The following CAMKMT variants were observed in gnomAD, a reference collection of about 807,000 sequenced individuals.
CAMKMT encodes the protein CaM KMT.
Under a neutral mutation model 48.0 loss-of-function variants are expected in CAMKMT, and 53 were observed. The ratio of observed to expected loss-of-function variants is 1.10; its 90% CI spans 0.89 to 1.39. The LOEUF (loss-of-function observed/expected upper bound fraction) is 1.39, where lower values mean the gene tolerates loss of function less well. CAMKMT is among the 40% of genes most tolerant of loss of function. The probability of loss-of-function intolerance (pLI) is 0.00; values close to 1 mark genes in which losing one functional copy is unlikely to be tolerated. For synonymous variants in CAMKMT, 165 were observed against 152.3 expected (o/e 1.08, Z -0.61); for missense variants, 428 against 402.7 (o/e 1.06, Z -0.54).
intron 3 of CAMKMT, among the ~76,000 whole-genome samples, chr2:44,495,219 C>A (rs577451416): frequency 6.6e-6 from 1 of 152,284 alleles, no homozygotes; most frequent in South Asian, 2.1e-4. Flanking sequence ...TAGGTCACTG[C>A]AGCCTTGAAC....
intron 3 of CAMKMT, among the ~76,000 whole-genome samples, chr2:44,651,647 T>C (rs115302476): frequency 0.012 from 1,902 of 152,330 alleles, 24 homozygotes; most frequent in Non-Finnish European, 0.02. Context: ...TTTAAAAGTA[T>C]GCATGTGGAA....
At chr2:44,367,348 G>A (rs541535395) in intron 1 of CAMKMT, among the ~76,000 whole-genome samples, 4 of 152,232 alleles carry the variant, frequency 2.6e-5, no homozygotes, top group African/African-American at 7.2e-5. Flanking sequence ...TGCCACGAAT[G>A]GAAAATTCCA....
chr2:44,378,695 T>A (rs1679944196), intron 2 of CAMKMT, among the ~76,000 whole-genome samples: 1 of 152,228 alleles, frequency 6.6e-6, no homozygotes, highest in African/African-American at 2.4e-5. Flanking sequence ...GGTTTCACCA[T>A]GTTGGCCAGG....
intron 2 of CAMKMT, among the ~76,000 whole-genome samples, chr2:44,387,723 G>T (rs1680910343): frequency 1.3e-5 from 2 of 152,016 alleles, no homozygotes; most frequent in Admixed American, 1.3e-4. Context: ...GTGGTGGCTT[G>T]GTAATGGTGA....
chr2:44,366,803 C>T (rs1011755657), intron 1 of CAMKMT, among the ~76,000 whole-genome samples: 5 of 151,636 alleles, frequency 3.3e-5, no homozygotes, highest in African/African-American at 9.7e-5. Flanking sequence ...CTCACTGCAA[C>T]CTCCATGTCC....
At chr2:44,409,977 T>C (rs1167057036) in intron 3 of CAMKMT, among the ~76,000 whole-genome samples, 1 of 152,090 alleles carries the variant, frequency 6.6e-6, no homozygotes, top group Non-Finnish European at 1.5e-5. Flanking sequence ...TTTGATGAAC[T>C]ATAATATGTT....
At chr2:44,489,570 C>T (rs778817587) in intron 3 of CAMKMT, among the ~76,000 whole-genome samples, 24 of 151,944 alleles carry the variant, frequency 1.6e-4, no homozygotes, top group Admixed American at 9.8e-4. Flanking sequence ...ATTCTGATGT[C>T]GTGGAAGAAC....
chr2:44,545,130 A>G (rs1667326722), intron 3 of CAMKMT, among the ~76,000 whole-genome samples: 1 of 152,224 alleles, frequency 6.6e-6, no homozygotes, highest in Non-Finnish European at 1.5e-5. Context: ...AGCAGCTGCT[A>G]GCTTTCCCTT....
intron 3 of CAMKMT, among the ~76,000 whole-genome samples, chr2:44,470,385 C>G (rs1421557157): frequency 6.6e-6 from 1 of 152,190 alleles, no homozygotes; most frequent in South Asian, 2.1e-4. Context: ...CCTTTGTACT[C>G]TCACCTGTGA....
chr2:44,672,077 C>G (rs1558785637), intron 3 of CAMKMT, among the ~76,000 whole-genome samples: 1 of 152,180 alleles, frequency 6.6e-6, no homozygotes, highest in South Asian at 2.1e-4. Context: ...ATACCATTCT[C>G]CCTGACCCTC....
chr2:44,368,187 C>A (rs189385370), intron 1 of CAMKMT, among the ~76,000 whole-genome samples: 6 of 152,150 alleles, frequency 3.9e-5, no homozygotes, highest in African/African-American at 1.4e-4. Context: ...TGAGAAAATG[C>A]CTTGACTATT....
intron 3 of CAMKMT, among the ~76,000 whole-genome samples, chr2:44,702,043 A>G (rs1313257969): frequency 6.6e-6 from 1 of 152,186 alleles, no homozygotes; most frequent in African/African-American, 2.4e-5. Flanking sequence ...GACAATTATA[A>G]AACTATTACA....
At chr2:44,749,535 C>T (rs572211800) in intron 8 of CAMKMT, among the ~76,000 whole-genome samples, 4 of 152,362 alleles carry the variant, frequency 2.6e-5, no homozygotes, top group Admixed American at 2.6e-4. Flanking sequence ...TTGTCTTATT[C>T]ATAGCTCATC....
At chr2:44,466,249 C>T (rs1248977950) in intron 3 of CAMKMT, among the ~76,000 whole-genome samples, 1 of 152,142 alleles carries the variant, frequency 6.6e-6, no homozygotes, top group Admixed American at 6.5e-5. Flanking sequence ...ACATATAGAA[C>T]GTTTTCCAGT....
chr2:44,383,107 A>G (rs1680420498), intron 2 of CAMKMT, among the ~76,000 whole-genome samples: 1 of 150,112 alleles, frequency 6.7e-6, no homozygotes, highest in Non-Finnish European at 1.5e-5. Context: ...CATGACCCTG[A>G]TGTCTCTCTG....
intron 3 of CAMKMT, among the ~76,000 whole-genome samples, chr2:44,443,817 C>T (rs927279926): frequency 2.0e-5 from 3 of 152,086 alleles, no homozygotes; most frequent in Non-Finnish European, 2.9e-5. Context: ...GGAGTTCATC[C>T]GTTCTCACCT....
At position 44,768,357 on chromosome 2, in the gene CAMKMT, A is replaced by T. The variant is rs1391669780; in HGVS notation, c.894+1796A>T. ...GGGCGCCCATGATATATATATATAT[A>T]TATATTTTTTTTTTTTTTTTAATAA... On this transcript the variant is annotated intron_variant, in intron 10 of 10. Coordinates refer to ENST00000378494, the MANE Select transcript of CAMKMT (RefSeq NM_024766.5). Among the ~76,000 whole-genome samples the T allele has an allele frequency of 6.9e-4, 66 of 96,044 alleles. 1 individual carries two copies. Among genetic ancestry groups the T allele is most frequent in the African/African-American group, 2.7e-3 (62 of 22,854 alleles). The allele number at this position is 96,044 out of a possible 152,430, so 63.0% of individuals were successfully genotyped here.
chr2:44,372,866 C>A lies in CAMKMT; in HGVS notation c.289C>A (p.Pro97Thr). 2 of 1,613,506 alleles carry A rather than the reference C, an allele frequency of 1.2e-6. No homozygotes were observed. The highest frequency in any genetic ancestry group is 4.5e-5 in the East Asian group (2 of 44,800). The change falls in exon 2 of 11, where the codon CCT (proline) becomes ACT (threonine). Residue 97 changes from proline (P) to threonine (T), a missense_variant. Coordinates refer to ENST00000378494, the MANE Select transcript of CAMKMT (RefSeq NM_024766.5). ...GGTCCAATATACAAGCATCTTCTGT[C>A]CTGAATACAGTATCTCCTTAAGGTA... ...AWVQYTSIFC[P>T]EYSISLRHNS...
rs184915129 is a variant in CAMKMT at position 44,523,728 on chromosome 2, A to G, written c.376+133423A>G. 5.4e-5 allele frequency among the ~76,000 whole-genome samples: 8 copies of G among 149,378 alleles called. No individual in the cohort carries two copies. In the East Asian group the frequency reaches 9.9e-4, roughly 19 times the overall value. On this transcript the variant is annotated intron_variant, in intron 3 of 10. Coordinates refer to ENST00000378494, the MANE Select transcript of CAMKMT (RefSeq NM_024766.5). ...CCTCTATGGGGCTTGGACTTCTTGCATGATTGTGCTGGGTTCAGAGAAGAG... is the reference window on the plus strand; with the variant it reads ...CCTCTATGGGGCTTGGACTTCTTGCGTGATTGTGCTGGGTTCAGAGAAGAG...
Sources: gnomAD v4.1 joint callset for allele counts (sites outside exome capture counted in the v4.1 genomes callset) on GRCh38, gnomAD v4.1.1 for gene constraint, MANE v1.5 for transcripts, NCBI Gene and HGNC (gene_info 2026-07-23, HGNC 2026-07-21) for gene names.